VPS8: variants seen among roughly 807,000 people sequenced by gnomAD.
VPS8 encodes vacuolar protein sorting-associated protein 8 homolog.
Under a neutral mutation model 216.4 loss-of-function variants are expected in VPS8, and 129 were observed. The observed-to-expected ratio is 0.60, with a 90% CI of 0.52 to 0.69. The LOEUF (loss-of-function observed/expected upper bound fraction) is 0.69, where lower values mean the gene tolerates loss of function less well. Ranked by LOEUF, VPS8 falls within the 30% of genes least tolerant of loss-of-function variation. The probability of loss-of-function intolerance (pLI) is 0.00; values close to 1 mark genes in which losing one functional copy is unlikely to be tolerated. For missense variants in VPS8, 1,531 were observed against 1,683.5 expected (o/e 0.91, Z 1.59); for synonymous variants, 571 against 565.4 (o/e 1.01, Z -0.14).
intron 25 of VPS8, among the ~76,000 whole-genome samples, chr3:184,906,506 A>G (rs1179681558): frequency 2.6e-5 from 4 of 152,186 alleles, no homozygotes; most frequent in African/African-American, 9.7e-5. Flanking sequence ...TAATAGATTA[A>G]TGGGTAGAAA....
intron 22 of VPS8, among the ~76,000 whole-genome samples, chr3:184,889,925 A>G (rs1297891382): frequency 6.6e-6 from 1 of 152,202 alleles, no homozygotes; most frequent in Non-Finnish European, 1.5e-5. Flanking sequence ...CTTCCCTTCT[A>G]TTTCAAACAT....
intron 25 of VPS8, among the ~76,000 whole-genome samples, chr3:184,902,737 G>C (rs1277340915): frequency 6.6e-6 from 1 of 151,678 alleles, no homozygotes; most frequent in Non-Finnish European, 1.5e-5. Context: ...GGCTGAGGCA[G>C]GAGAATCGCT....
intron 12 of VPS8, 35 bp downstream of exon 12, chr3:184,854,045 T>C (rs769014124): frequency 1.9e-6 from 3 of 1,612,794 alleles, no homozygotes; most frequent in Non-Finnish European, 1.7e-6. Flanking sequence ...TCAGAACTTT[T>C]AGAAGCTTTG....
chr3:184,865,881 G>A (rs949764799), intron 16 of VPS8, among the ~76,000 whole-genome samples: 1 of 152,052 alleles, frequency 6.6e-6, no homozygotes, highest in South Asian at 2.1e-4. Flanking sequence ...CCAGCTACTC[G>A]GGAGGTGGAG....
At chr3:184,905,314 G>C (rs996086201) in intron 25 of VPS8, among the ~76,000 whole-genome samples, 8 of 152,142 alleles carry the variant, frequency 5.3e-5, no homozygotes, top group Non-Finnish European at 8.8e-5. Flanking sequence ...GTCTTTTTGA[G>C]TGTTTCAGTA....
chr3:184,909,104 AC>A (rs1736026395), intron 25 of VPS8, among the ~76,000 whole-genome samples: 2 of 151,978 alleles, frequency 1.3e-5, no homozygotes, highest in South Asian at 4.2e-4. Context: ...GCATTTGACT[AC>A]CCCCTGTCGC....
chr3:184,901,900 C>T (rs1382542308), intron 25 of VPS8, among the ~76,000 whole-genome samples: 1 of 152,158 alleles, frequency 6.6e-6, no homozygotes, highest in East Asian at 1.9e-4. Context: ...TTCTCATCAA[C>T]AATACTTGAG....
At chr3:184,939,554 C>CCTTTTTTTTTT (rs1325160982) in intron 35 of VPS8, among the ~76,000 whole-genome samples, 1 of 141,192 alleles carries the variant, frequency 7.1e-6, no homozygotes, top group African/African-American at 2.6e-5. Context: ...TTGCTGTCCT[C>CCTTTTTTTTTT]TTTTTTTTTT....
chr3:185,052,109 T>G lies in VPS8; in HGVS notation c.*84T>G. On this transcript the variant is annotated 3_prime_UTR_variant, in exon 48 of 48. Coordinates refer to ENST00000625842, the MANE Select transcript of VPS8 (RefSeq NM_001009921.3). ...GGCCCCGCCTCTGGTGGGCTTGGCC[T>G]CCACCACCTCCCACGCTTCTGAGAA... 7.0e-7 allele frequency: 1 copy of G among 1,433,912 alleles called. No homozygotes were observed. Among genetic ancestry groups the G allele is most frequent in the Non-Finnish European group, 9.3e-7 (1 of 1,080,850 alleles). 88.8% of individuals were successfully genotyped at this position (1,433,912 alleles called of 1,614,324 possible). A position where few individuals can be genotyped will look rare whatever the true frequency, so the allele number is the denominator to read the frequency against.
At chr3:185,039,445 C>A (rs1005770898) in intron 46 of VPS8, among the ~76,000 whole-genome samples, 1 of 151,970 alleles carries the variant, frequency 6.6e-6, no homozygotes, top group Non-Finnish European at 1.5e-5. Flanking sequence ...GGGGAGCCAA[C>A]ATGTCCAGAG....
chr3:184,956,177 G>C (rs992845205), intron 36 of VPS8, among the ~76,000 whole-genome samples: 4 of 152,124 alleles, frequency 2.6e-5, no homozygotes, highest in African/African-American at 9.7e-5. Flanking sequence ...CTTCTTATTA[G>C]TAAAAGTAGA....
intron 4 of VPS8, among the ~76,000 whole-genome samples, chr3:184,834,006 C>G (rs1418555862): frequency 6.6e-6 from 1 of 152,038 alleles, no homozygotes; most frequent in East Asian, 1.9e-4. Context: ...TCTAGTGATA[C>G]AAAGTAGGTG....
Position 184,842,900 on chromosome 3 carries a change from C to T in VPS8, c.536-340C>T, listed in dbSNP as rs552937774. On this transcript the variant is annotated intron_variant, in intron 7 of 47. Transcript: ENST00000625842. ...AGTTCAAATCTTAATAAAGATGTTT[C>T]CCCATCCCAGGGTTCTTAGTTTTCC... Among the ~76,000 whole-genome samples, 3 of 151,836 alleles carry T rather than the reference C, an allele frequency of 2.0e-5. No homozygotes were observed. The East Asian group carries it at 5.8e-4, about 29-fold the overall frequency.
intron 8 of VPS8, among the ~76,000 whole-genome samples, chr3:184,846,240 A>G (rs1333518145): frequency 6.6e-6 from 1 of 152,200 alleles, no homozygotes; most frequent in Non-Finnish European, 1.5e-5. Flanking sequence ...AAAGTTGAGA[A>G]TGTTTCCATT....
intron 11 of VPS8, among the ~76,000 whole-genome samples, chr3:184,852,793 C>G (rs936429317): frequency 6.6e-6 from 1 of 152,158 alleles, no homozygotes; most frequent in African/African-American, 2.4e-5. Context: ...TAGACTCCTA[C>G]TCCCCAGAAG....
In VPS8 at chr3:184,928,533, T is replaced by C. The variant is rs753991650; in HGVS notation, c.2714T>C (p.Phe905Ser). The C allele has an allele frequency of 2.7e-6, 4 of 1,507,412 alleles. No homozygotes were observed. The highest frequency in any genetic ancestry group is 3.5e-6 in the Non-Finnish European group (4 of 1,139,488). The allele number at this position is 1,507,412 out of a possible 1,614,324, so 93.4% of individuals were successfully genotyped here. A position where few individuals can be genotyped will look rare whatever the true frequency, so the allele number is the denominator to read the frequency against. Residue 905 changes from phenylalanine (F) to serine (S), a missense_variant and splice_region_variant, in exon 32 of 48, where the codon TTC (phenylalanine) becomes TCC (serine). Coordinates refer to ENST00000625842, the MANE Select transcript of VPS8 (RefSeq NM_001009921.3). ...RLIRMAEKAEFYQICEFMYER... is the reference protein window; with the variant it reads ...RLIRMAEKAESYQICEFMYER... ...ATCCGGATGGCAGAAAAAGCTGAGT[T>C]GTAAGTTGTTTTGAGGCTGTATATT...
chr3:184,933,880 G>A (rs928759768), intron 34 of VPS8, among the ~76,000 whole-genome samples: 1 of 152,086 alleles, frequency 6.6e-6, no homozygotes, highest in Non-Finnish European at 1.5e-5. Flanking sequence ...TATTGTTGCT[G>A]TATAATGAGT....
intron 43 of VPS8, among the ~76,000 whole-genome samples, chr3:184,996,041 T>C (rs1044839401): frequency 6.6e-6 from 1 of 152,250 alleles, no homozygotes; most frequent in African/African-American, 2.4e-5. Context: ...CCATCAATAC[T>C]GAATGAAGCT....
rs1393161670 is a variant in VPS8, at chr3:185,048,503, C to T, written c.4081C>T (p.Pro1361Ser). 1.9e-6 allele frequency: 3 copies of T among 1,613,988 alleles called. No homozygotes were observed. The highest frequency in any genetic ancestry group is 2.5e-6 in the Non-Finnish European group (3 of 1,179,894). ...KKGTSEPVLD[P>S]QQIQAFDQLC... is the part of the protein sequence containing the mutation. ...GGGAACCTCAGAACCTGTTCTGGAT[C>T]CACAGCAAATCCAAGCATTTGATCA... Residue 1361 changes from proline to serine, a missense_variant, in exon 47 of 48, where the codon CCA becomes TCA. Physicochemically the swap from Pro to Ser is moderately conservative, Grantham distance 74. Transcript: ENST00000625842.
Sources: gnomAD v4.1 joint callset for allele counts (sites outside exome capture counted in the v4.1 genomes callset) on GRCh38, gnomAD v4.1.1 for gene constraint, MANE v1.5 for transcripts, NCBI Gene and HGNC (gene_info 2026-07-23, HGNC 2026-07-21) for gene names.